The following SHISA9 variants were observed in gnomAD, a reference collection of about 807,000 sequenced individuals.
SHISA9 encodes shisa family member 9, also known as protein shisa-9.
Under a neutral mutation model 38.0 loss-of-function variants are expected in SHISA9, and 13 were observed. The observed-to-expected ratio is 0.34, with a 90% CI of 0.22 to 0.54. The LOEUF is 0.54. Ranked by LOEUF, SHISA9 falls within the 20% of genes least tolerant of loss-of-function variation. The pLI is 0.91. For synonymous variants in SHISA9, 275 were observed against 242.0 expected (o/e 1.14, Z -1.27); for missense variants, 538 against 575.8 (o/e 0.93, Z 0.67).
intron 2 of SHISA9, among the ~76,000 whole-genome samples, chr16:12,918,824 C>CA (rs34034184): frequency 6.6e-5 from 10 of 151,866 alleles, no homozygotes; most frequent in African/African-American, 2.2e-4. Flanking sequence ...CAAGAATTGC[C>CA]CAGATATTAA....
the SHISA9 span, among the ~76,000 whole-genome samples, chr16:13,284,881 G>A: frequency 7.2e-5 from 11 of 152,220 alleles, no homozygotes; most frequent in Non-Finnish European, 1.6e-4. Context: ...TTACAGGCGT[G>A]AGCCACTGTG....
the SHISA9 span, among the ~76,000 whole-genome samples, chr16:13,508,914 G>C: frequency 6.6e-6 from 1 of 152,140 alleles, no homozygotes; most frequent in Non-Finnish European, 1.5e-5. Context: ...TGTACAAAAT[G>C]ATTGCTACCT....
the SHISA9 span, among the ~76,000 whole-genome samples, chr16:13,525,902 G>T: frequency 6.6e-6 from 1 of 152,348 alleles, no homozygotes; most frequent in South Asian, 2.1e-4. Flanking sequence ...CCTGGGCAGG[G>T]CAGATGTTGT....
rs140751516 is a variant in SHISA9 at position 12,981,968 on chromosome 16, G to A, written c.691+65153G>A. ...GGACTTCTAACCTCTGGAATTGTGA[G>A]AACATACATTTCTGTTATTTAAGCC... On this transcript the variant is annotated intron_variant, in intron 2 of 4. Coordinates refer to ENST00000558583, the MANE Select transcript of SHISA9 (RefSeq NM_001145204.3). Among the ~76,000 whole-genome samples the A allele has an allele frequency of 5.1e-3, 771 of 152,280 alleles. 4 individuals carry two copies. Among genetic ancestry groups the A allele is most frequent in the Non-Finnish European group, 8.4e-3 (570 of 68,008 alleles).
chr16:13,309,681 G>C, the SHISA9 span, among the ~76,000 whole-genome samples: 1 of 148,722 alleles, frequency 6.7e-6, no homozygotes, highest in Non-Finnish European at 1.5e-5. Context: ...AGAAAAAATA[G>C]TTAACATGCC....
At chr16:13,486,176 A>G in the SHISA9 span, among the ~76,000 whole-genome samples, 287 of 152,340 alleles carry the variant, frequency 1.9e-3, no homozygotes, top group African/African-American at 6.4e-3. Flanking sequence ...ATGGGGATCT[A>G]GAACTCAGAA....
At chr16:13,520,354 C>G in the SHISA9 span, among the ~76,000 whole-genome samples, 2 of 152,008 alleles carry the variant, frequency 1.3e-5, no homozygotes, top group African/African-American at 4.8e-5. Flanking sequence ...AATCCCAGCA[C>G]TTTGGGAGGC....
intron 2 of SHISA9, among the ~76,000 whole-genome samples, chr16:13,184,345 CA>C (rs750525742): frequency 1.3e-5 from 2 of 152,310 alleles, no homozygotes; most frequent in Non-Finnish European, 2.9e-5. Context: ...TATGGATTCC[CA>C]TCTTAAGCTA....
At chr16:13,298,183 A>G in the SHISA9 span, among the ~76,000 whole-genome samples, 10 of 152,174 alleles carry the variant, frequency 6.6e-5, no homozygotes, top group Non-Finnish European at 1.5e-5. Flanking sequence ...TGCTCCCTTC[A>G]TTATAGAAAC....
intron 2 of SHISA9, among the ~76,000 whole-genome samples, chr16:13,045,657 T>C (rs540759761): frequency 6.6e-6 from 1 of 151,222 alleles, no homozygotes; most frequent in Admixed American, 6.6e-5. Flanking sequence ...GTAACAAAGA[T>C]ATAAACCAGA....
downstream of SHISA9, among the ~76,000 whole-genome samples, chr16:13,241,120 A>T (rs1014125605): frequency 6.6e-6 from 1 of 152,188 alleles, no homozygotes; most frequent in Non-Finnish European, 1.5e-5. Context: ...TTACGTGCCC[A>T]TGGCCATCAG....
the SHISA9 span, among the ~76,000 whole-genome samples, chr16:13,554,243 T>C: frequency 6.6e-6 from 1 of 151,000 alleles, no homozygotes; most frequent in Admixed American, 6.6e-5. Context: ...TTCTGATTGG[T>C]TCAAACCTAA....
intron 2 of SHISA9, among the ~76,000 whole-genome samples, chr16:13,097,951 T>C (rs1296266804): frequency 1.3e-5 from 2 of 152,232 alleles, no homozygotes; most frequent in East Asian, 1.9e-4. Context: ...CTAGTACTAA[T>C]GAGAATACAG....
At chr16:12,981,354 C>T (rs1157089345) in intron 2 of SHISA9, among the ~76,000 whole-genome samples, 1 of 152,208 alleles carries the variant, frequency 6.6e-6, no homozygotes, top group Non-Finnish European at 1.5e-5. Flanking sequence ...CACTGTTTGC[C>T]CCAGGGCAAT....
chr16:13,525,368 G>A, the SHISA9 span, among the ~76,000 whole-genome samples: 1 of 152,142 alleles, frequency 6.6e-6, no homozygotes, highest in Non-Finnish European at 1.5e-5. Flanking sequence ...GAGTCCGGGA[G>A]TGGAAAAAAG....
At chr16:13,131,183 A>G (rs972184301) in intron 2 of SHISA9, among the ~76,000 whole-genome samples, 1 of 152,198 alleles carries the variant, frequency 6.6e-6, no homozygotes, top group Non-Finnish European at 1.5e-5. Context: ...TTGCTGCACT[A>G]TTCACAATAA....
At chr16:13,147,570 C>G (rs949198666) in intron 2 of SHISA9, among the ~76,000 whole-genome samples, 2 of 144,606 alleles carry the variant, frequency 1.4e-5, no homozygotes, top group African/African-American at 5.1e-5. Context: ...TCAAACAATT[C>G]TCCTGCCTCA....
the SHISA9 span, among the ~76,000 whole-genome samples, chr16:13,405,986 T>C: frequency 6.9e-6 from 1 of 144,644 alleles, no homozygotes; most frequent in Admixed American, 6.9e-5. Context: ...AATAGACAAG[T>C]GGAACCTAAT....
chr16:13,317,494 C>T, the SHISA9 span, among the ~76,000 whole-genome samples: 4 of 152,088 alleles, frequency 2.6e-5, no homozygotes, highest in Admixed American at 1.3e-4. Flanking sequence ...GGTACATGTG[C>T]ACAACATGCA....
Sources: gnomAD v4.1 joint callset for allele counts (sites outside exome capture counted in the v4.1 genomes callset) on GRCh38, gnomAD v4.1.1 for gene constraint, MANE v1.5 for transcripts, NCBI Gene and HGNC (gene_info 2026-07-23, HGNC 2026-07-21) for gene names.